GALNT8: variants seen among roughly 807,000 people sequenced by gnomAD.
GALNT8 encodes polypeptide N-acetylgalactosaminyltransferase 8, also known as probable polypeptide N-acetylgalactosaminyltransferase 8.
A neutral mutation model predicts 62.7 loss-of-function variants in GALNT8; 66 were observed. The observed-to-expected ratio is 1.05, with a 90% CI of 0.86 to 1.29. The LOEUF is 1.29. Among genes scored for constraint, GALNT8 ranks in the 50% most tolerant of loss-of-function variants. The pLI, the probability that GALNT8 is intolerant of heterozygous loss-of-function variation, is 0.00. For missense variants in GALNT8, 771 were observed against 791.8 expected (o/e 0.97, Z 0.32); for synonymous variants, 288 against 294.3 (o/e 0.98, Z 0.22).
chr12:4,772,234 G>A (rs984727265), intron 10 of GALNT8, among the ~76,000 whole-genome samples: 89 of 152,200 alleles, frequency 5.8e-4, no homozygotes, highest in African/African-American at 2.0e-3. Flanking sequence ...GCGCAACATC[G>A]CCTGGTTAGT....
intron 2 of GALNT8, among the ~76,000 whole-genome samples, chr12:4,728,144 A>G (rs1028800064): frequency 1.3e-5 from 2 of 151,902 alleles, no homozygotes; most frequent in Admixed American, 1.3e-4. Flanking sequence ...TTCATGTGCT[A>G]TTGGCCATAT....
intron 10 of GALNT8, among the ~76,000 whole-genome samples, chr12:4,767,034 A>G (rs1946403177): frequency 6.6e-6 from 1 of 151,814 alleles, no homozygotes; most frequent in Non-Finnish European, 1.5e-5. Flanking sequence ...ATTCTATGGA[A>G]CTACATGTAA....
chr12:4,758,333 G>A (rs7316209), intron 6 of GALNT8, among the ~76,000 whole-genome samples: 58,520 of 151,678 alleles, frequency 0.39, 11,546 homozygotes, highest in Admixed American at 0.44. Context: ...GTGTGTAAAT[G>A]GAGATGATGG....
At chr12:4,737,622 A>C (rs551226069) in intron 2 of GALNT8, among the ~76,000 whole-genome samples, 1 of 152,288 alleles carries the variant, frequency 6.6e-6, no homozygotes, top group African/African-American at 2.4e-5. Flanking sequence ...CTGTGGTTTG[A>C]ATGTTTGTCT....
At chr12:4,750,255 G>A (rs1946316665) in intron 6 of GALNT8, among the ~76,000 whole-genome samples, 1 of 151,832 alleles carries the variant, frequency 6.6e-6, no homozygotes, top group Admixed American at 6.6e-5. Context: ...GTGTCATGGT[G>A]GCTTATTGTA....
At chr12:4,747,188 C>G (rs1023992010) in intron 6 of GALNT8, among the ~76,000 whole-genome samples, 1 of 152,114 alleles carries the variant, frequency 6.6e-6, no homozygotes, top group Non-Finnish European at 1.5e-5. Flanking sequence ...TATCCATCCC[C>G]TCAAGCATTT....
chr12:4,727,696 TC>T (rs1427182915), intron 2 of GALNT8, among the ~76,000 whole-genome samples: 1 of 152,228 alleles, frequency 6.6e-6, no homozygotes, highest in Admixed American at 6.5e-5. Flanking sequence ...AATACTTCGT[TC>T]CTTTTTATTG....
At position 4,726,056 on chromosome 12, in the gene GALNT8, C is replaced by T. The variant is rs1946194074; in HGVS notation, c.212-476C>T. Among the ~76,000 whole-genome samples the T allele has an allele frequency of 6.6e-6, 1 of 152,138 alleles. No individual in the cohort carries two copies. Among genetic ancestry groups the T allele is most frequent in the Non-Finnish European group, 1.5e-5 (1 of 68,022 alleles). On this transcript the variant is annotated intron_variant, in intron 1 of 10. Coordinates refer to ENST00000252318, the MANE Select transcript of GALNT8 (RefSeq NM_017417.2). This position sits in a 1 kb window ranked among gnomAD's most constrained non-coding sequence, Gnocchi z 4.1. ...TTAAGTTTTACTGTAAAAAGAATTA[C>T]TCCTTGGTTTTATTAAAAAGCAGGT...
rs772532611 is a variant in GALNT8, at chr12:4,763,398, T to C, written c.1497+8T>C. 6.2e-7 allele frequency: 1 copy of C among 1,605,650 alleles called. No individual in the cohort carries two copies. Among genetic ancestry groups the C allele is most frequent in the Non-Finnish European group, 8.5e-7 (1 of 1,174,596 alleles). ...ATCGTGGGCTATGGAAGAGTATGTA[T>C]TATGAAATTGCACTTTGGATTTTAA... On this transcript the variant is annotated splice_region_variant and intron_variant, in intron 8 of 10. Transcript: ENST00000252318.
intron 2 of GALNT8, among the ~76,000 whole-genome samples, chr12:4,731,271 GA>G (rs1237311227): frequency 6.6e-6 from 1 of 152,162 alleles, no homozygotes; most frequent in African/African-American, 2.4e-5. Context: ...ATCATATATA[GA>G]ATTGCTTGAT....
chr12:4,730,314 C>T (rs1416042085), intron 2 of GALNT8, among the ~76,000 whole-genome samples: 1 of 152,006 alleles, frequency 6.6e-6, no homozygotes, highest in Non-Finnish European at 1.5e-5. Context: ...AAAATTTTCT[C>T]TATTTTCTTT....
intron 5 of GALNT8, among the ~76,000 whole-genome samples, 197 bp from the exon 6 acceptor site, chr12:4,745,947 A>G (rs1408270548): frequency 6.6e-6 from 1 of 152,204 alleles, no homozygotes; most frequent in Non-Finnish European, 1.5e-5. Flanking sequence ...ATTTCAATAT[A>G]TTTTGAGAAG....
At chr12:4,728,631 G>C (rs927480117) in intron 2 of GALNT8, among the ~76,000 whole-genome samples, 1 of 152,094 alleles carries the variant, frequency 6.6e-6, no homozygotes, top group Non-Finnish European at 1.5e-5. Flanking sequence ...TTCCACATCA[G>C]ATTGTCCTGC....
chr12:4,740,317 A>G (rs1946266461), intron 3 of GALNT8, among the ~76,000 whole-genome samples: 1 of 152,206 alleles, frequency 6.6e-6, no homozygotes, highest in East Asian at 1.9e-4. Context: ...CTTGTACACA[A>G]AATATGGATG....
intron 10 of GALNT8, among the ~76,000 whole-genome samples, chr12:4,768,131 T>TCA (rs1946407873): frequency 6.6e-6 from 1 of 152,222 alleles, no homozygotes; most frequent in Admixed American, 6.5e-5. Context: ...GTTTCAGAAG[T>TCA]GTTTATAAAG....
intron 6 of GALNT8, among the ~76,000 whole-genome samples, chr12:4,754,305 C>T (rs1946335101): frequency 6.6e-6 from 1 of 152,108 alleles, no homozygotes; most frequent in East Asian, 1.9e-4. Flanking sequence ...CCTCCAGGTC[C>T]CAAGTGGGTC....
At chr12:4,758,012 T>G (rs1946352917) in intron 6 of GALNT8, among the ~76,000 whole-genome samples, 1 of 151,914 alleles carries the variant, frequency 6.6e-6, no homozygotes. Context: ...AGGCTGAGTC[T>G]CTCTGTTTTC....
At chr12:4,762,530 G>A (rs892908866) in intron 7 of GALNT8, among the ~76,000 whole-genome samples, 7 of 152,188 alleles carry the variant, frequency 4.6e-5, no homozygotes, top group African/African-American at 1.7e-4. Context: ...AGTATGTTGG[G>A]TTTTATTGAT....
At chr12:4,771,000 G>A (rs899097714) in intron 10 of GALNT8, among the ~76,000 whole-genome samples, 2 of 152,222 alleles carry the variant, frequency 1.3e-5, no homozygotes, top group Non-Finnish European at 2.9e-5. Context: ...GCTGGCGGGT[G>A]AGGCGGGCAT....
Sources: gnomAD v4.1 joint callset for allele counts (sites outside exome capture counted in the v4.1 genomes callset) on GRCh38, gnomAD v4.1.1 for gene constraint, Gnocchi (gnomAD v3.1) non-coding constraint, MANE v1.5 for transcripts, NCBI Gene and HGNC (gene_info 2026-07-23, HGNC 2026-07-21) for gene names.